Variants in CCL7 observed in about 807,000 individuals in gnomAD.
CCL7 encodes C-C motif chemokine ligand 7.
Under a neutral mutation model 7.1 loss-of-function variants are expected in CCL7, and 8 were observed. The ratio of observed to expected loss-of-function variants is 1.13; its 90% CI spans 0.66 to 2.04. The LOEUF is 2.04. CCL7 is among the 30% of genes most tolerant of loss of function. The pLI is 0.00. For synonymous variants in CCL7, 46 were observed against 41.2 expected, an observed-to-expected ratio of 1.12 and a Z score of -0.45; for missense variants, 134 against 113.6, an observed-to-expected ratio of 1.18 and a Z score of -0.82.
Position 34,272,018 on chromosome 17 carries a change from A to C in CCL7, c.*216A>C. 2.2e-6 allele frequency: 1 copy of C among 453,970 alleles called. No individual in the cohort carries two copies. The highest frequency in any genetic ancestry group is 4.5e-5 in the East Asian group (1 of 22,422). The allele number at this position is 453,970 out of a possible 1,614,324, so 28.1% of individuals were successfully genotyped here. A position where few individuals can be genotyped will look rare whatever the true frequency, so the allele number is the denominator to read the frequency against. On this transcript the variant is annotated 3_prime_UTR_variant, in exon 3 of 3. Coordinates refer to ENST00000378569, the MANE Select transcript of CCL7 (RefSeq NM_006273.4). Reference sequence around the variant, plus strand: ...TGGATTTTGGTGGGTTTTGAACATAAAGCCTTGGATGTATATGTCATCTCA... The same window carrying C: ...TGGATTTTGGTGGGTTTTGAACATACAGCCTTGGATGTATATGTCATCTCA...
At chr17:34,271,001 A>T in intron 1 of CCL7, 145 bp from the exon 2 acceptor site, 1 of 1,498,422 alleles carries the variant, frequency 6.7e-7, no homozygotes, top group Non-Finnish European at 8.9e-7. Flanking sequence ...CTCAAAGGGC[A>T]GAGACATTGG....
In CCL7 at chr17:34,271,936, A is replaced by G; in HGVS notation, c.*134A>G. 1.6e-6 allele frequency: 1 copy of G among 607,800 alleles called. No homozygotes were observed. Among genetic ancestry groups the G allele is most frequent in the East Asian group, 3.2e-5 (1 of 31,204 alleles). The allele number at this position is 607,800 out of a possible 1,614,324, so 37.7% of individuals were successfully genotyped here. A position where few individuals can be genotyped will look rare whatever the true frequency, so the allele number is the denominator to read the frequency against. On this transcript the variant is annotated 3_prime_UTR_variant, in exon 3 of 3. Transcript: ENST00000378569. ...ATATGAGCTTTATGTAATAATGTGA[A>G]TCATGGTTTTTCTTAGTAGATTTTA...
At chr17:34,271,328 AG>A (rs1908151029) in intron 2 of CCL7, 65 bp downstream of exon 2, 1 of 1,296,548 alleles carries the variant, frequency 7.7e-7, no homozygotes, top group Admixed American at 1.9e-5. Flanking sequence ...GGCAGGGAAT[AG>A]GACTAGTATC....
At chr17:34,271,482 C>T (rs1201971773) in intron 2 of CCL7, among the ~76,000 whole-genome samples, 1 of 152,324 alleles carries the variant, frequency 6.6e-6, no homozygotes, top group East Asian at 1.9e-4. Flanking sequence ...CATCTCAGTT[C>T]GTTCCTTCAT....
Position 34,270,244 on chromosome 17 carries a change from A to G in CCL7, c.-47A>G. ...GGAGCAGAGGGGCTGAGACCAAACCAGAAACCTCCAATTCTCATGTGGAAG... is the reference window on the plus strand; with the variant it reads ...GGAGCAGAGGGGCTGAGACCAAACCGGAAACCTCCAATTCTCATGTGGAAG... On this transcript the variant is annotated 5_prime_UTR_variant, in exon 1 of 3. Transcript: ENST00000378569. The G allele has an allele frequency of 6.3e-7, 1 of 1,591,124 alleles. No homozygotes were observed.
intron 2 of CCL7, 65 bp from the exon 3 acceptor site, chr17:34,271,629 GACT>G (rs1908167414): frequency 5.0e-6 from 5 of 995,066 alleles, no homozygotes; most frequent in Non-Finnish European, 7.8e-6. Flanking sequence ...ATTTCCCATA[GACT>G]TGGTCACACT....
At position 34,271,224 on chromosome 17, in the gene CCL7, G is replaced by C. The variant is rs754349876; in HGVS notation, c.155G>C (p.Arg52Thr). 6.2e-7 allele frequency: 1 copy of C among 1,614,132 alleles called. No individual in the cohort carries two copies. The highest frequency in any genetic ancestry group is 1.1e-5 in the South Asian group (1 of 91,078). The change falls in exon 2 of 3, where the codon AGA (arginine) becomes ACA (threonine). Residue 52 changes from arginine to threonine, a missense_variant. Transcript: ENST00000378569. ...CCTAAGCAGAGGCTGGAGAGCTACAGAAGGACCACCAGTAGCCACTGTCCC... is the reference window on the plus strand; with the variant it reads ...CCTAAGCAGAGGCTGGAGAGCTACACAAGGACCACCAGTAGCCACTGTCCC... Reference protein sequence around the residue: ...KIPKQRLESYRRTTSSHCPRE... With the variant: ...KIPKQRLESYTRTTSSHCPRE...
chr17:34,270,228 G>A lies in CCL7; in HGVS notation c.-63G>A, dbSNP rs200296146. ...AGACAGAGCTTCCAGAGGAGCAGAG[G>A]GGCTGAGACCAAACCAGAAACCTCC... On this transcript the variant is annotated 5_prime_UTR_variant, in exon 1 of 3. Coordinates refer to ENST00000378569, the MANE Select transcript of CCL7 (RefSeq NM_006273.4). The A allele has an allele frequency of 4.9e-6, 7 of 1,435,452 alleles. No homozygotes were observed. Among genetic ancestry groups the A allele is most frequent in the Non-Finnish European group, 6.9e-6 (7 of 1,017,078 alleles). The allele number at this position is 1,435,452 out of a possible 1,614,324, so 88.9% of individuals were successfully genotyped here. A position where few individuals can be genotyped will look rare whatever the true frequency, so the allele number is the denominator to read the frequency against.
At position 34,271,391 on chromosome 17, in the gene CCL7, C is replaced by T. The variant is rs183035028; in HGVS notation, c.194+128C>T. 139 of 768,544 alleles carry T rather than the reference C, an allele frequency of 1.8e-4. 1 individual carries two copies. The highest frequency in any genetic ancestry group is 3.7e-4 in the Admixed American group (15 of 40,330). The allele number at this position is 768,544 out of a possible 1,614,324, so 47.6% of individuals were successfully genotyped here. A position where few individuals can be genotyped will look rare whatever the true frequency, so the allele number is the denominator to read the frequency against. ...ATGCATACAGCATCTCTAACCTTATCCCAGACATTTGCCAGTGAGAAACAA... is the reference window on the plus strand; with the variant it reads ...ATGCATACAGCATCTCTAACCTTATTCCAGACATTTGCCAGTGAGAAACAA... On this transcript the variant is annotated intron_variant, in intron 2 of 2. Coordinates refer to ENST00000378569, the MANE Select transcript of CCL7 (RefSeq NM_006273.4).
chr17:34,271,298 C>G, intron 2 of CCL7, 35 bp downstream of exon 2: 2 of 1,563,110 alleles, frequency 1.3e-6, no homozygotes, highest in Non-Finnish European at 1.8e-6. Context: ...CCTCACACCT[C>G]AGTCCTAGGT....
At position 34,270,227 on chromosome 17, in the gene CCL7, G is replaced by A. The variant is rs1189976546; in HGVS notation, c.-64G>A. The A allele has an allele frequency of 1.4e-6, 2 of 1,431,012 alleles. No individual in the cohort carries two copies. The highest frequency in any genetic ancestry group is 4.5e-5 in the East Asian group (2 of 43,972). The allele number at this position is 1,431,012 out of a possible 1,614,324, so 88.6% of individuals were successfully genotyped here. On this transcript the variant is annotated 5_prime_UTR_variant, in exon 1 of 3. Coordinates refer to ENST00000378569, the MANE Select transcript of CCL7 (RefSeq NM_006273.4). The stretch of plus-strand genomic sequence containing the variant: ...GAGACAGAGCTTCCAGAGGAGCAGA[G>A]GGGCTGAGACCAAACCAGAAACCTC...
rs1908075324 is a variant in CCL7, at chr17:34,270,277, C to T, written c.-14C>T. The T allele has an allele frequency of 1.2e-6, 2 of 1,613,912 alleles. No homozygotes were observed. The highest frequency in any genetic ancestry group is 1.7e-6 in the Non-Finnish European group (2 of 1,179,770). On this transcript the variant is annotated 5_prime_UTR_variant, in exon 1 of 3. Transcript: ENST00000378569. ...CCAATTCTCATGTGGAAGCCCATGC[C>T]CTCACCCTCCAACATGAAAGCCTCT... is the stretch of plus-strand genomic sequence containing the variant.
intron 1 of CCL7, 146 bp downstream of exon 1, chr17:34,270,512 G>A (rs1908088402): frequency 1.5e-6 from 1 of 654,758 alleles, no homozygotes; most frequent in South Asian, 1.9e-5. Context: ...TAAGGGGTGA[G>A]CCCAACCACA....
chr17:34,272,118 G>A lies in CCL7; in HGVS notation c.*316G>A, dbSNP rs1908198688. The A allele has an allele frequency of 4.7e-6, 1 of 214,824 alleles. No individual in the cohort carries two copies. Among genetic ancestry groups the A allele is most frequent in the East Asian group, 1.3e-4 (1 of 7,530 alleles). 13.3% of individuals were successfully genotyped at this position (214,824 alleles called of 1,614,324 possible). ...ATTGTATAAGTCCTTGCAAGAATCAGTGCAAAGATTTGCTTTAATTGTTAA... is the reference window on the plus strand; with the variant it reads ...ATTGTATAAGTCCTTGCAAGAATCAATGCAAAGATTTGCTTTAATTGTTAA... On this transcript the variant is annotated 3_prime_UTR_variant, in exon 3 of 3. Coordinates refer to ENST00000378569, the MANE Select transcript of CCL7 (RefSeq NM_006273.4).
At position 34,271,902 on chromosome 17, in the gene CCL7, T is replaced by C; in HGVS notation, c.*100T>C. 1 of 702,212 alleles carries C rather than the reference T, an allele frequency of 1.4e-6. No homozygotes were observed. Among genetic ancestry groups the C allele is most frequent in the Non-Finnish European group, 2.5e-6 (1 of 406,814 alleles). 43.5% of individuals were successfully genotyped at this position (702,212 alleles called of 1,614,324 possible). A position where few individuals can be genotyped will look rare whatever the true frequency, so the allele number is the denominator to read the frequency against. The stretch of plus-strand genomic sequence containing the variant: ...TGGTTCTGAGATTATTTTAATCTAA[T>C]TCTAAGGAATATGAGCTTTATGTAA... On this transcript the variant is annotated 3_prime_UTR_variant, in exon 3 of 3. Transcript: ENST00000378569.
intron 2 of CCL7, among the ~76,000 whole-genome samples, 160 bp from the exon 3 acceptor site, chr17:34,271,537 T>C (rs776925090): frequency 6.6e-5 from 10 of 152,202 alleles, no homozygotes; most frequent in Non-Finnish European, 1.5e-4. Context: ...AAAGAGCTGC[T>C]TCTCTGAGTC....
chr17:34,271,043 T>C (rs1908124078), intron 1 of CCL7, 103 bp from the exon 2 acceptor site: 2 of 1,577,970 alleles, frequency 1.3e-6, no homozygotes, highest in Admixed American at 3.5e-5. Flanking sequence ...CCTCCACCTC[T>C]TCCTTTCTTT....
At chr17:34,271,120 C>A (rs527380757) in intron 1 of CCL7, 26 bp from the exon 2 acceptor site, 1 of 1,614,078 alleles carries the variant, frequency 6.2e-7, no homozygotes, top group East Asian at 2.2e-5. Flanking sequence ...CCTCAATGGA[C>A]TTTTCTTCTT....
At chr17:34,271,613 A>G (rs765572242) in intron 2 of CCL7, 84 bp from the exon 3 acceptor site, 138 of 858,866 alleles carry the variant, frequency 1.6e-4, no homozygotes, top group Non-Finnish European at 2.1e-4. Flanking sequence ...CTGATGGGCT[A>G]GACAGATTTC....
Sources: allele counts gnomAD v4.1 joint callset (sites outside exome capture counted in the v4.1 genomes callset), GRCh38; gene constraint gnomAD v4.1.1; transcripts MANE v1.5; gene names NCBI Gene and HGNC (gene_info 2026-07-23, HGNC 2026-07-21).